Variants in EXOC4 observed in about 807,000 individuals in gnomAD.
EXOC4 encodes exocyst complex component 4, also known as SEC8-like 1.
Under a neutral mutation model 107.2 loss-of-function variants are expected in EXOC4, and 71 were observed. That is an observed-to-expected ratio of 0.66 (90% CI 0.55 to 0.81). EXOC4 has a LOEUF of 0.81. Among genes scored for constraint, EXOC4 ranks in the 30% least tolerant of loss-of-function variants. The pLI is 0.00. For missense variants in EXOC4, 1,108 were observed against 1,189.6 expected (o/e 0.93, Z 1.01); for synonymous variants, 456 against 441.2 (o/e 1.03, Z -0.42).
chr7:133,682,264 A>G (rs1186799647), intron 10 of EXOC4, among the ~76,000 whole-genome samples: 1 of 152,170 alleles, frequency 6.6e-6, no homozygotes, highest in Non-Finnish European at 1.5e-5. Context: ...CATTTACCAA[A>G]GTTGTAAATT....
At chr7:133,806,371 G>A (rs1043564464) in intron 10 of EXOC4, among the ~76,000 whole-genome samples, 1 of 152,252 alleles carries the variant, frequency 6.6e-6, no homozygotes, top group Non-Finnish European at 1.5e-5. Context: ...GCTCCATGTT[G>A]GACATAGTTT....
chr7:134,057,173 G>A (rs1026130760), intron 17 of EXOC4, among the ~76,000 whole-genome samples: 36 of 152,188 alleles, frequency 2.4e-4, no homozygotes, highest in African/African-American at 8.7e-4. Flanking sequence ...TAAAAAACAG[G>A]TAGGTAGATG....
intron 6 of EXOC4, among the ~76,000 whole-genome samples, chr7:133,368,785 G>A (rs1318402523): frequency 6.6e-6 from 1 of 152,162 alleles, no homozygotes; most frequent in East Asian, 1.9e-4. Flanking sequence ...AATAACTTGT[G>A]AGAGAGGGGT....
intron 9 of EXOC4, among the ~76,000 whole-genome samples, chr7:133,578,931 CT>C (rs1801191878): frequency 1.3e-5 from 2 of 152,124 alleles, no homozygotes; most frequent in Non-Finnish European, 2.9e-5. Flanking sequence ...TGCTCTGCCC[CT>C]ATCTGAGAAA....
intron 11 of EXOC4, among the ~76,000 whole-genome samples, chr7:133,864,539 C>A (rs1190362108): frequency 6.6e-6 from 1 of 152,028 alleles, no homozygotes; most frequent in Non-Finnish European, 1.5e-5. Context: ...TAATAACTTA[C>A]AAATTATCAT....
At chr7:133,756,564 GAA>G (rs567566524) in intron 10 of EXOC4, among the ~76,000 whole-genome samples, 37 of 152,180 alleles carry the variant, frequency 2.4e-4, no homozygotes, top group Non-Finnish European at 3.4e-4. Flanking sequence ...AGAATGCGGT[GAA>G]AGTTTTGAAT....
intron 9 of EXOC4, among the ~76,000 whole-genome samples, chr7:133,566,333 T>G (rs1800905674): frequency 6.6e-6 from 1 of 152,140 alleles, no homozygotes; most frequent in South Asian, 2.1e-4. Flanking sequence ...TTTCATGGGC[T>G]TTAGAGTTAT....
chr7:133,420,524 A>G (rs906354966), intron 7 of EXOC4, among the ~76,000 whole-genome samples: 2 of 152,058 alleles, frequency 1.3e-5, no homozygotes, highest in Non-Finnish European at 2.9e-5. Context: ...GTCATGTGAC[A>G]GCCTATCATC....
At chr7:133,895,870 G>A (rs927800068) in intron 12 of EXOC4, 135 bp downstream of exon 12, 1 of 907,220 alleles carries the variant, frequency 1.1e-6, no homozygotes, top group African/African-American at 1.7e-5. Flanking sequence ...CATGCATCAT[G>A]GAAATAGCCT....
chr7:133,792,552 C>CA (rs1796725182), intron 10 of EXOC4, among the ~76,000 whole-genome samples: 7 of 4,580 alleles, frequency 1.5e-3, no homozygotes, highest in African/African-American at 4.6e-3. Flanking sequence ...GACCCTGTCT[C>CA]CAAAAAAAAA....
chr7:133,489,760 C>G (rs1461516392), intron 9 of EXOC4, among the ~76,000 whole-genome samples: 2 of 152,180 alleles, frequency 1.3e-5, no homozygotes, highest in African/African-American at 4.8e-5. Flanking sequence ...ATGAACAGGA[C>G]TGCCTTTGAA....
At chr7:133,579,780 G>A (rs1324602472) in intron 9 of EXOC4, among the ~76,000 whole-genome samples, 1 of 151,610 alleles carries the variant, frequency 6.6e-6, no homozygotes, top group Non-Finnish European at 1.5e-5. Flanking sequence ...TCCGCCTCCC[G>A]GGTTCAAGTG....
intron 10 of EXOC4, among the ~76,000 whole-genome samples, chr7:133,772,115 G>A (rs1046276843): frequency 6.6e-6 from 1 of 151,808 alleles, no homozygotes; most frequent in African/African-American, 2.4e-5. Flanking sequence ...ACTGAAATCG[G>A]TTGCCAAAAT....
the EXOC4 span, among the ~76,000 whole-genome samples, chr7:134,100,742 G>C: frequency 1.5e-5 from 2 of 130,072 alleles, 1 homozygote; most frequent in East Asian, 4.3e-4. Flanking sequence ...TCAAGAGATA[G>C]AGAGTATCCT....
Position 133,568,242 on chromosome 7 carries a change from A to AT in EXOC4, c.1418-61792dup, listed in dbSNP as rs1317183657. On this transcript the variant is annotated intron_variant, in intron 9 of 17. Transcript: ENST00000253861. ...TCTTTCCCCCTTACTGATTTCTAGG[A>AT]TTTTTTTTTTTAATCTGGGAATACA... is the stretch of plus-strand genomic sequence containing the variant. Among the ~76,000 whole-genome samples the AT allele has an allele frequency of 2.6e-3, 385 of 146,666 alleles. 2 individuals are homozygous for AT. The highest frequency in any genetic ancestry group is 3.1e-3 in the Non-Finnish European group (207 of 66,330).
chr7:133,714,193 A>G (rs1359234961), intron 10 of EXOC4, among the ~76,000 whole-genome samples: 1 of 152,178 alleles, frequency 6.6e-6, no homozygotes, highest in Non-Finnish European at 1.5e-5. Flanking sequence ...CAGGCTGACC[A>G]TGGACTAGGC....
chr7:133,416,051 C>T (rs1330759737), intron 7 of EXOC4, among the ~76,000 whole-genome samples: 2 of 152,124 alleles, frequency 1.3e-5, no homozygotes, highest in Non-Finnish European at 2.9e-5. Flanking sequence ...TAAAAAACAA[C>T]AAAACTTTAT....
chr7:133,723,730 A>G (rs1795156247), intron 10 of EXOC4, among the ~76,000 whole-genome samples: 2 of 152,108 alleles, frequency 1.3e-5, no homozygotes, highest in Admixed American at 6.5e-5. Flanking sequence ...GCCTCGGGTA[A>G]GGTACATGCC....
chr7:133,787,798 C>G lies in EXOC4; in HGVS notation c.1515-29527C>G, dbSNP rs182491625. 8.0e-5 allele frequency among the ~76,000 whole-genome samples: 12 copies of G among 150,626 alleles called. 1 individual carries two copies. Among genetic ancestry groups the G allele is most frequent in the Admixed American group, 4.6e-4 (7 of 15,104 alleles). ...TAAACCTAATTAACTCCCAGATACCCCACCTCCGTATACTCTCACACTGGG... is the reference window on the plus strand; with the variant it reads ...TAAACCTAATTAACTCCCAGATACCGCACCTCCGTATACTCTCACACTGGG... On this transcript the variant is annotated intron_variant, in intron 10 of 17. Transcript: ENST00000253861.
Sources: gnomAD v4.1 joint callset for allele counts (sites outside exome capture counted in the v4.1 genomes callset) on GRCh38, gnomAD v4.1.1 for gene constraint, MANE v1.5 for transcripts, NCBI Gene and HGNC (gene_info 2026-07-23, HGNC 2026-07-21) for gene names.